MARK3: variants seen among roughly 807,000 people sequenced by gnomAD.
MARK3 encodes microtubule affinity regulating kinase 3.
A neutral mutation model predicts 90.1 loss-of-function variants in MARK3; 46 were observed. The ratio of observed to expected loss-of-function variants is 0.51; its 90% confidence interval spans 0.40 to 0.65. MARK3 has a LOEUF of 0.65. MARK3 is among the 30% of genes least tolerant of loss of function. The pLI, the probability that MARK3 is intolerant of heterozygous loss-of-function variation, is 0.00. For synonymous variants in MARK3, 321 were observed against 332.6 expected (o/e 0.97, Z 0.38); for missense variants, 818 against 947.2 (o/e 0.86, Z 1.79).
At chr14:103,398,637 T>C (rs1245232937) in intron 1 of MARK3, among the ~76,000 whole-genome samples, 1 of 152,120 alleles carries the variant, frequency 6.6e-6, no homozygotes, top group East Asian at 1.9e-4. Flanking sequence ...CCTCTGAAGG[T>C]GCTGGGATTA....
chr14:103,447,633 G>C (rs1442027488), intron 3 of MARK3, among the ~76,000 whole-genome samples: 3 of 152,108 alleles, frequency 2.0e-5, no homozygotes, highest in African/African-American at 7.2e-5. Context: ...CTAAAATCCT[G>C]TTGTTTTTCT....
intron 14 of MARK3, among the ~76,000 whole-genome samples, chr14:103,488,725 C>T (rs2093971889): frequency 6.6e-6 from 1 of 152,118 alleles, no homozygotes; most frequent in South Asian, 2.1e-4. Context: ...CATAGTGGCA[C>T]ACTCCTGTGG....
chr14:103,446,387 A>G (rs1032330970), intron 3 of MARK3, among the ~76,000 whole-genome samples: 1 of 152,082 alleles, frequency 6.6e-6, no homozygotes, highest in Non-Finnish European at 1.5e-5. Flanking sequence ...TTAGCCAGGC[A>G]TGGTGGGACC....
chr14:103,442,743 C>CCTTAAACACATTAT (rs1595699980), intron 3 of MARK3, among the ~76,000 whole-genome samples: 1 of 152,056 alleles, frequency 6.6e-6, no homozygotes, highest in East Asian at 1.9e-4. Flanking sequence ...CTTTTTGGTG[C>CCTTAAACACATTAT]TCCGGGAAAT....
chr14:103,448,854 G>T, intron 3 of MARK3, 65 bp from the exon 4 acceptor site: 2 of 1,428,970 alleles, frequency 1.4e-6, no homozygotes, highest in South Asian at 2.6e-5. Flanking sequence ...TATTACAACA[G>T]TGGAATATAA....
chr14:103,478,309 AAAG>A (rs1305059495), intron 13 of MARK3, among the ~76,000 whole-genome samples: 1 of 151,520 alleles, frequency 6.6e-6, no homozygotes, highest in Non-Finnish European at 1.5e-5. Flanking sequence ...AAAAAAAAAA[AAAG>A]AACACCTGTA....
chr14:103,457,337 A>C, intron 6 of MARK3, 125 bp downstream of exon 6: 1 of 641,830 alleles, frequency 1.6e-6, no homozygotes, highest in Non-Finnish European at 2.8e-6. Context: ...TTGGCCATTC[A>C]ATTCAACAAA....
chr14:103,456,036 A>T (rs563972769), intron 5 of MARK3, among the ~76,000 whole-genome samples: 2 of 152,224 alleles, frequency 1.3e-5, no homozygotes, highest in East Asian at 1.9e-4. Context: ...ATTGATAAGC[A>T]GTTGACAGTG....
rs267603885 is a variant in MARK3, at chr14:103,448,960, C to T, written c.339C>T (p.Pro113=). The T allele has an allele frequency of 6.4e-7, 1 of 1,565,658 alleles. No homozygotes were observed. The highest frequency in any genetic ancestry group is 8.7e-7 in the Non-Finnish European group (1 of 1,152,564). Residue 113 remains proline, a synonymous_variant, in exon 4 of 18, where the codon CCC becomes CCT. Transcript: ENST00000429436. Reference sequence around the variant, plus strand: ...GAATAATGAAGATTTTAAATCATCCCAATATAGGTACTTTCTGCTTTTTTA... The same window carrying T: ...GAATAATGAAGATTTTAAATCATCCTAATATAGGTACTTTCTGCTTTTTTA... ...EVRIMKILNH[P]NIVKLFEVIE...
At chr14:103,427,263 G>A (rs2092437209) in intron 2 of MARK3, among the ~76,000 whole-genome samples, 1 of 151,524 alleles carries the variant, frequency 6.6e-6, no homozygotes, top group East Asian at 1.9e-4. Flanking sequence ...ACATTGGGAG[G>A]CCGAGGCAGG....
chr14:103,387,269 A>G (rs2089881225), intron 1 of MARK3, among the ~76,000 whole-genome samples: 1 of 152,130 alleles, frequency 6.6e-6, no homozygotes, highest in Non-Finnish European at 1.5e-5. Context: ...TAATCCGTAA[A>G]CGTAAACCAT....
intron 3 of MARK3, among the ~76,000 whole-genome samples, chr14:103,448,347 T>C (rs1205392916): frequency 2.0e-5 from 3 of 152,074 alleles, no homozygotes; most frequent in African/African-American, 4.8e-5. Context: ...AAGGGGGCAC[T>C]CCACAAAAGC....
intron 13 of MARK3, 77 bp from the exon 14 acceptor site, chr14:103,480,310 T>C (rs1352988737): frequency 2.3e-6 from 2 of 851,972 alleles, no homozygotes; most frequent in Non-Finnish European, 3.8e-6. Context: ...CATTCCTATT[T>C]ATGTAGATAA....
At position 103,503,171 on chromosome 14, in the gene MARK3, A is replaced by G. The variant is rs760693719; in HGVS notation, c.2206A>G (p.Thr736Ala). ...GGTCCGGTTTAAGCGGATATCGGGG[A>G]CATCCATAGCCTTCAAAAATATTGC... ...NGVRFKRISG[T>A]SIAFKNIASK... Residue 736 changes from threonine to alanine, a missense_variant, in exon 18 of 18, where the codon ACA (threonine) becomes GCA (alanine). By Grantham distance (58) the Thr-to-Ala change is moderately conservative. Coordinates refer to ENST00000429436, the MANE Select transcript of MARK3 (RefSeq NM_001128918.3). 6.2e-7 allele frequency: 1 copy of G among 1,614,152 alleles called. No homozygotes were observed. The highest frequency in any genetic ancestry group is 1.3e-5 in the African/African-American group (1 of 75,064).
chr14:103,392,759 T>C (rs1006254020), intron 1 of MARK3, among the ~76,000 whole-genome samples: 2 of 152,200 alleles, frequency 1.3e-5, no homozygotes, highest in African/African-American at 4.8e-5. Context: ...AGCAATACTT[T>C]GTAGAGTATC....
rs540949081 is a variant in MARK3 at position 103,406,885 on chromosome 14, G to A, written c.243+1618G>A. 1.6e-4 allele frequency among the ~76,000 whole-genome samples: 24 copies of A among 152,188 alleles called. No individual in the cohort carries two copies. The East Asian group carries it at 4.4e-3, about 28-fold the overall frequency. ...GTCTCACTCTGTCACCCAGGCTGGAGTGCAGTGGTGCAATCTCGGCTCACT... is the reference window on the plus strand; with the variant it reads ...GTCTCACTCTGTCACCCAGGCTGGAATGCAGTGGTGCAATCTCGGCTCACT... On this transcript the variant is annotated intron_variant, in intron 2 of 17. Transcript: ENST00000429436.
intron 5 of MARK3, among the ~76,000 whole-genome samples, chr14:103,456,152 T>C (rs529097133): frequency 6.6e-6 from 1 of 152,308 alleles, no homozygotes; most frequent in South Asian, 2.1e-4. Context: ...TTCACCTCCA[T>C]TGTATCCTGA....
intron 2 of MARK3, among the ~76,000 whole-genome samples, chr14:103,426,118 C>G (rs1464388222): frequency 6.6e-6 from 1 of 152,136 alleles, no homozygotes; most frequent in African/African-American, 2.4e-5. Context: ...TTCATTCTGT[C>G]TCTCACAAGT....
intron 1 of MARK3, among the ~76,000 whole-genome samples, chr14:103,401,801 G>A (rs950251174): frequency 4.6e-5 from 7 of 152,172 alleles, no homozygotes; most frequent in African/African-American, 1.4e-4. Flanking sequence ...TACAAGCAAA[G>A]TACTCTAGGA....
Sources: gnomAD v4.1 joint callset for allele counts (sites outside exome capture counted in the v4.1 genomes callset) on GRCh38, gnomAD v4.1.1 for gene constraint, MANE v1.5 for transcripts, NCBI Gene and HGNC (gene_info 2026-07-23, HGNC 2026-07-21) for gene names.